The following TAFA2 variants were observed in gnomAD, a reference collection of about 807,000 sequenced individuals.
TAFA2 encodes the protein TAFA chemokine like family member 2, also known as chemokine-like protein TAFA-2.
In TAFA2, 7 loss-of-function variants were observed where a neutral mutation model predicts 18.8. The observed-to-expected ratio is 0.37, with a 90% CI of 0.21 to 0.70. The LOEUF (loss-of-function observed/expected upper bound fraction) is 0.70, where lower values mean the gene tolerates loss of function less well. TAFA2 is among the 30% of genes least tolerant of loss of function. The probability of loss-of-function intolerance (pLI) is 0.53; values close to 1 mark genes in which losing one functional copy is unlikely to be tolerated. For missense variants in TAFA2, 122 were observed against 158.1 expected (o/e 0.77, Z 1.23); for synonymous variants, 60 against 54.2 (o/e 1.11, Z -0.47).
chr12:61,793,537 C>G (rs1871070153), intron 2 of TAFA2, among the ~76,000 whole-genome samples: 1 of 151,578 alleles, frequency 6.6e-6, no homozygotes, highest in Non-Finnish European at 1.5e-5. Context: ...ACTACTAAAC[C>G]TCACTCAAGA....
chr12:61,961,694 C>CT (rs1294024662), intron 1 of TAFA2, among the ~76,000 whole-genome samples: 1 of 151,982 alleles, frequency 6.6e-6, no homozygotes, highest in Non-Finnish European at 1.5e-5. Context: ...GAAGCTATTC[C>CT]TTTTACTCCT....
chr12:62,180,265 G>A (rs866280607), intron 1 of TAFA2, among the ~76,000 whole-genome samples: 3 of 152,104 alleles, frequency 2.0e-5, no homozygotes, highest in African/African-American at 4.8e-5. Flanking sequence ...AAGTACCACC[G>A]TAGCCATAGC....
At chr12:62,115,029 C>A (rs555801688) in intron 1 of TAFA2, among the ~76,000 whole-genome samples, 1 of 152,278 alleles carries the variant, frequency 6.6e-6, no homozygotes, top group South Asian at 2.1e-4. Context: ...ACATTAAATT[C>A]TAAAACCAAT....
intron 1 of TAFA2, among the ~76,000 whole-genome samples, chr12:62,080,054 A>G (rs914490328): frequency 6.6e-6 from 1 of 152,214 alleles, no homozygotes; most frequent in Non-Finnish European, 1.5e-5. Context: ...TTCCAAGACC[A>G]TGTAATGGTA....
intron 2 of TAFA2, among the ~76,000 whole-genome samples, chr12:61,838,104 T>C (rs1314699834): frequency 1.3e-5 from 2 of 152,002 alleles, no homozygotes; most frequent in Admixed American, 6.6e-5. Context: ...TTTCTGGTGG[T>C]AGAACAGTCA....
At chr12:62,221,513 AGATCAATGAC>A (rs1179639737) in intron 1 of TAFA2, among the ~76,000 whole-genome samples, 6 of 152,160 alleles carry the variant, frequency 3.9e-5, no homozygotes. Flanking sequence ...AAAAACAAAT[AGATCAATGAC>A]TCAGGATAGA....
intron 2 of TAFA2, among the ~76,000 whole-genome samples, chr12:61,779,112 C>G (rs1870396416): frequency 6.6e-6 from 1 of 151,842 alleles, no homozygotes; most frequent in Admixed American, 6.6e-5. Context: ...TAATGTAAAG[C>G]TGTGTGTTCA....
intron 4 of TAFA2, among the ~76,000 whole-genome samples, chr12:61,731,111 TC>T (rs1870427103): frequency 6.6e-6 from 1 of 152,094 alleles, no homozygotes; most frequent in African/African-American, 2.4e-5. Flanking sequence ...CCAGGGTTCT[TC>T]CCACTGCTTC....
At chr12:61,776,924 G>T (rs1287425341) in intron 2 of TAFA2, among the ~76,000 whole-genome samples, 1 of 151,688 alleles carries the variant, frequency 6.6e-6, no homozygotes, top group Non-Finnish European at 1.5e-5. Context: ...TTTGGTCCTG[G>T]AGTGTGTTGT....
At chr12:61,959,284 C>T (rs1215762934) in intron 1 of TAFA2, among the ~76,000 whole-genome samples, 1 of 151,822 alleles carries the variant, frequency 6.6e-6, no homozygotes, top group Non-Finnish European at 1.5e-5. Context: ...CATAATATTG[C>T]CTCCCTCATC....
intron 1 of TAFA2, among the ~76,000 whole-genome samples, chr12:61,893,063 A>G (rs1277908228): frequency 6.6e-6 from 1 of 152,214 alleles, no homozygotes; most frequent in Admixed American, 6.5e-5. Context: ...TAAAGGTGGA[A>G]CAGAGGAAAA....
At chr12:62,063,387 C>T (rs547014850) in intron 1 of TAFA2, among the ~76,000 whole-genome samples, 1 of 152,246 alleles carries the variant, frequency 6.6e-6, no homozygotes, top group Non-Finnish European at 1.5e-5. Flanking sequence ...AATCCAGGAG[C>T]CATTTCCTAC....
At chr12:61,772,320 C>A (rs560779770) in intron 2 of TAFA2, among the ~76,000 whole-genome samples, 4 of 151,762 alleles carry the variant, frequency 2.6e-5, no homozygotes, top group African/African-American at 9.7e-5. Flanking sequence ...CTAGTACTAA[C>A]CCTATTCACA....
At chr12:62,131,453 C>T (rs986816233) in intron 1 of TAFA2, among the ~76,000 whole-genome samples, 2 of 152,004 alleles carry the variant, frequency 1.3e-5, no homozygotes, top group Non-Finnish European at 2.9e-5. Flanking sequence ...AATTACAGGG[C>T]TTCAGGCATG....
intron 1 of TAFA2, among the ~76,000 whole-genome samples, chr12:61,908,199 C>T (rs1876446367): frequency 6.6e-6 from 1 of 151,944 alleles, no homozygotes; most frequent in African/African-American, 2.4e-5. Context: ...GGTTTGTGTC[C>T]CCACCCAAAT....
At chr12:61,774,250 C>T (rs1334217909) in intron 2 of TAFA2, among the ~76,000 whole-genome samples, 3 of 151,818 alleles carry the variant, frequency 2.0e-5, no homozygotes, top group East Asian at 1.9e-4. Context: ...AGTATAACCA[C>T]TATAGAAAAC....
chr12:62,051,614 A>G (rs555256107), intron 1 of TAFA2, among the ~76,000 whole-genome samples: 5 of 151,884 alleles, frequency 3.3e-5, no homozygotes, highest in Non-Finnish European at 7.4e-5. Flanking sequence ...TCGTTTACTT[A>G]GTGCCCACAG....
chr12:62,244,412 T>C (rs1308397312), intron 1 of TAFA2, among the ~76,000 whole-genome samples: 1 of 152,146 alleles, frequency 6.6e-6, no homozygotes, highest in East Asian at 1.9e-4. Flanking sequence ...GCACTCCTTA[T>C]GAAATAATTT....
intron 1 of TAFA2, among the ~76,000 whole-genome samples, chr12:62,026,343 A>C (rs1565720797): frequency 6.6e-6 from 1 of 152,088 alleles, no homozygotes; most frequent in East Asian, 1.9e-4. Flanking sequence ...GTTTGCCCTT[A>C]AAGCGCCCCT....
Sources: gnomAD v4.1 joint callset for allele counts (sites outside exome capture counted in the v4.1 genomes callset) on GRCh38, gnomAD v4.1.1 for gene constraint, MANE v1.5 for transcripts, NCBI Gene and HGNC (gene_info 2026-07-23, HGNC 2026-07-21) for gene names.